The following PRKX variants were observed in gnomAD, a reference collection of about 807,000 sequenced individuals.
PRKX encodes the protein cAMP-dependent protein kinase catalytic subunit PRKX.
In PRKX, 12 loss-of-function variants were observed where a neutral mutation model predicts 22.0. The ratio of observed to expected loss-of-function variants is 0.54; its 90% CI spans 0.35 to 0.88. The LOEUF (loss-of-function observed/expected upper bound fraction) is 0.88, where lower values mean the gene tolerates loss of function less well. Ranked by LOEUF, PRKX falls within the 40% of genes least tolerant of loss-of-function variation. The probability of loss-of-function intolerance (pLI) is 0.01; values close to 1 mark genes in which losing one functional copy is unlikely to be tolerated. For synonymous variants in PRKX, 134 were observed against 137.7 expected (o/e 0.97, Z 0.19); for missense variants, 217 against 308.0 (o/e 0.70, Z 2.21).
intron 2 of PRKX, among the ~76,000 whole-genome samples, chrX:3,665,025 CAA>C (rs1272948993): frequency 2.7e-5 from 3 of 112,103 alleles, no homozygotes; most frequent in African/African-American, 6.5e-5. Context: ...GAGGGATCTC[CAA>C]GAAAACAAGA....
intron 1 of PRKX, among the ~76,000 whole-genome samples, chrX:3,708,459 C>G (rs1207551786): frequency 9.0e-6 from 1 of 111,008 alleles, no homozygotes; most frequent in Non-Finnish European, 1.9e-5. Context: ...GAAAACCTAC[C>G]AGTATAAGCA....
chrX:3,622,240 G>A (rs746366091), intron 5 of PRKX, among the ~76,000 whole-genome samples: 1 of 111,132 alleles, frequency 9.0e-6, no homozygotes, highest in African/African-American at 3.3e-5. Flanking sequence ...AGACTTCCAG[G>A]AGATTAGGTG....
At chrX:3,680,020 G>A (rs1603474506) in intron 1 of PRKX, among the ~76,000 whole-genome samples, 1 of 111,126 alleles carries the variant, frequency 9.0e-6, no homozygotes, top group Admixed American at 9.6e-5. Flanking sequence ...GAAAGCCTCT[G>A]ACAGTGTGGC....
rs946049382 is a variant in PRKX at position 3,696,292 on chromosome X, C to T, written c.166+16796G>A. Among the ~76,000 whole-genome samples, 9 of 111,275 alleles carry T rather than the reference C, an allele frequency of 8.1e-5. No individual in the cohort carries two copies. The East Asian group carries it at 1.4e-3, about 17-fold the overall frequency. On this transcript the variant is annotated intron_variant, in intron 1 of 8. Coordinates refer to ENST00000262848, the MANE Select transcript of PRKX (RefSeq NM_005044.5). ...GAGCAATAAATGTCTGTTTAAGCCC[C>T]CCAGTCTATGATACAGACACTCCTC...
At chrX:3,706,853 T>C (rs765812947) in intron 1 of PRKX, among the ~76,000 whole-genome samples, 2 of 112,180 alleles carry the variant, frequency 1.8e-5, no homozygotes, top group Non-Finnish European at 3.8e-5. Context: ...GCTACAAGCA[T>C]GGTGGATGCA....
chrX:3,711,637 G>A (rs1476224419), intron 1 of PRKX, among the ~76,000 whole-genome samples: 6 of 111,799 alleles, frequency 5.4e-5, no homozygotes, highest in Non-Finnish European at 1.1e-4. Flanking sequence ...TACTGTGGCG[G>A]CTGCGCCAGT....
intron 1 of PRKX, among the ~76,000 whole-genome samples, chrX:3,708,593 G>A (rs988321228): frequency 5.4e-5 from 6 of 110,283 alleles, no homozygotes; most frequent in African/African-American, 1.6e-4. Flanking sequence ...GGCCAGGCAC[G>A]GTGGCTCACA....
intron 1 of PRKX, 132 bp downstream of exon 1, chrX:3,712,956 G>A (rs1392597802): frequency 1.9e-5 from 15 of 781,371 alleles, no homozygotes; most frequent in Non-Finnish European, 2.4e-5. Flanking sequence ...AGCCCCGCAC[G>A]GGGACTCCGA....
intron 7 of PRKX, among the ~76,000 whole-genome samples, chrX:3,613,827 C>A (rs1420276897): frequency 1.1e-5 from 1 of 87,278 alleles, no homozygotes; most frequent in Non-Finnish European, 2.2e-5. Context: ...ACACCCCGAG[C>A]CTGAGCGACA....
At chrX:3,656,917 T>C (rs1046777618) in intron 2 of PRKX, among the ~76,000 whole-genome samples, 1 of 111,816 alleles carries the variant, frequency 8.9e-6, no homozygotes, top group African/African-American at 3.3e-5. Flanking sequence ...GGCCCATTCC[T>C]GAGGGAAGGG....
rs761643511 is a variant in PRKX at position 3,615,011 on chromosome X, A to ATTTTTT, written c.951+798_951+803dup. On this transcript the variant is annotated intron_variant, in intron 7 of 8. Coordinates refer to ENST00000262848, the MANE Select transcript of PRKX (RefSeq NM_005044.5). The stretch of plus-strand genomic sequence containing the variant: ...TATTATACATTGAAAAAAATGCCAG[A>ATTTTTT]TTTTTTTTTTTTTTTTTTTTTTTTT... Among the ~76,000 whole-genome samples the ATTTTTT allele has an allele frequency of 3.0e-3, 180 of 59,744 alleles. 10 individuals are homozygous for ATTTTTT. Among genetic ancestry groups the ATTTTTT allele is most frequent in the African/African-American group, 0.011 (146 of 13,206 alleles). 51.9% of individuals were successfully genotyped at this position (59,744 alleles called of 115,157 possible). A position where few individuals can be genotyped will look rare whatever the true frequency, so the allele number is the denominator to read the frequency against.
intron 1 of PRKX, among the ~76,000 whole-genome samples, chrX:3,676,412 C>A (rs1430226179): frequency 9.0e-6 from 1 of 111,714 alleles, no homozygotes; most frequent in African/African-American, 3.3e-5. Flanking sequence ...CCAAGAGAAC[C>A]AGGATCTTCC....
intron 3 of PRKX, among the ~76,000 whole-genome samples, chrX:3,649,237 A>C (rs1227346804): frequency 2.7e-5 from 3 of 110,679 alleles, no homozygotes; most frequent in Non-Finnish European, 5.7e-5. Flanking sequence ...CTAAAATCCA[A>C]AACAATTCTG....
chrX:3,681,246 T>C (rs1399592510), intron 1 of PRKX, among the ~76,000 whole-genome samples: 2 of 107,999 alleles, frequency 1.9e-5, no homozygotes, highest in Non-Finnish European at 3.8e-5. Context: ...TAGCCAGGCA[T>C]GGTTGTGTGC....
At chrX:3,615,916 G>A (rs761705030) in intron 6 of PRKX, 24 bp from the exon 7 acceptor site, 9 of 1,178,048 alleles carry the variant, frequency 7.6e-6, no homozygotes, top group South Asian at 5.5e-5. Context: ...AACACATGTC[G>A]TCAGTGTACA....
chrX:3,613,482 C>T (rs894072458), intron 7 of PRKX, among the ~76,000 whole-genome samples: 3 of 109,405 alleles, frequency 2.7e-5, no homozygotes, highest in East Asian at 2.9e-4. Flanking sequence ...ATAGATAAAA[C>T]GTATTCAAAT....
chrX:3,701,330 T>C (rs753162694), intron 1 of PRKX, among the ~76,000 whole-genome samples: 24 of 112,038 alleles, frequency 2.1e-4, no homozygotes, highest in African/African-American at 7.5e-4. Flanking sequence ...AGTCTAGAAC[T>C]GCTAGCCTCA....
At chrX:3,684,354 T>A (rs1212298060) in intron 1 of PRKX, among the ~76,000 whole-genome samples, 1 of 112,028 alleles carries the variant, frequency 8.9e-6, no homozygotes, top group African/African-American at 3.2e-5. Flanking sequence ...AATCTTTCCC[T>A]CTATCAAGTG....
At chrX:3,663,987 C>T (rs1204427345) in intron 2 of PRKX, among the ~76,000 whole-genome samples, 5 of 111,763 alleles carry the variant, frequency 4.5e-5, no homozygotes, top group Non-Finnish European at 7.5e-5. Context: ...GGCAGAGGGG[C>T]TCCTGTTTCC....
Sources: allele counts gnomAD v4.1 joint callset (sites outside exome capture counted in the v4.1 genomes callset), GRCh38; gene constraint gnomAD v4.1.1; transcripts MANE v1.5; gene names NCBI Gene and HGNC (gene_info 2026-07-23, HGNC 2026-07-21).